The following GABRG3 variants were observed in gnomAD, a reference collection of about 807,000 sequenced individuals.
GABRG3 encodes the protein gamma-aminobutyric acid type A receptor subunit gamma3.
Under a neutral mutation model 48.8 loss-of-function variants are expected in GABRG3, and 25 were observed. The ratio of observed to expected loss-of-function variants is 0.51; its 90% CI spans 0.37 to 0.72. The LOEUF is 0.72. GABRG3 is among the 30% of genes least tolerant of loss of function. GABRG3 has a pLI of 0.00. For synonymous variants in GABRG3, 227 were observed against 217.6 expected, an observed-to-expected ratio of 1.04 and a Z score of -0.38; for missense variants, 394 against 577.9, an observed-to-expected ratio of 0.68 and a Z score of 3.26.
intron 5 of GABRG3, among the ~76,000 whole-genome samples, chr15:27,343,633 CAT>C (rs1173774672): frequency 2.0e-5 from 3 of 152,180 alleles, no homozygotes; most frequent in Non-Finnish European, 4.4e-5. Context: ...TGATGCAACT[CAT>C]GTAATGCTTC....
At chr15:27,079,097 C>T (rs751936924) in intron 3 of GABRG3, among the ~76,000 whole-genome samples, 2 of 152,068 alleles carry the variant, frequency 1.3e-5, no homozygotes, top group African/African-American at 4.8e-5. Context: ...AACCGTTTCC[C>T]CCAGACCCTG....
At chr15:27,001,038 G>A (rs1168580362) in intron 2 of GABRG3, among the ~76,000 whole-genome samples, 2 of 152,156 alleles carry the variant, frequency 1.3e-5, no homozygotes, top group Non-Finnish European at 2.9e-5. Flanking sequence ...GGTTACCCAA[G>A]CGAGGACCTT....
chr15:26,987,343 C>T (rs1895171250), intron 2 of GABRG3, among the ~76,000 whole-genome samples: 1 of 152,188 alleles, frequency 6.6e-6, no homozygotes, highest in Admixed American at 6.5e-5. Flanking sequence ...ACTTTACTGT[C>T]GTAAATGCTT....
intron 6 of GABRG3, among the ~76,000 whole-genome samples, chr15:27,493,000 A>G (rs1890391631): frequency 6.6e-6 from 1 of 152,254 alleles, no homozygotes. Context: ...AGATGCACCA[A>G]GATAAAAAAT....
intron 3 of GABRG3, among the ~76,000 whole-genome samples, chr15:27,101,684 G>A (rs927204191): frequency 6.6e-6 from 1 of 152,010 alleles, no homozygotes; most frequent in Non-Finnish European, 1.5e-5. Context: ...GGAGGAAGAA[G>A]GCACTGGAAC....
chr15:27,202,817 T>C (rs541798788), intron 3 of GABRG3, among the ~76,000 whole-genome samples: 7 of 152,274 alleles, frequency 4.6e-5, no homozygotes, highest in African/African-American at 1.4e-4. Context: ...TTATCTGTTA[T>C]GTATTTTTGT....
intron 3 of GABRG3, among the ~76,000 whole-genome samples, chr15:27,043,549 G>A (rs966147135): frequency 6.6e-6 from 1 of 152,182 alleles, no homozygotes; most frequent in African/African-American, 2.4e-5. Flanking sequence ...TGAGATGGCT[G>A]ATCTGCTGTT....
intron 3 of GABRG3, among the ~76,000 whole-genome samples, chr15:27,159,493 A>AC (rs1810493508): frequency 6.6e-6 from 1 of 151,768 alleles, no homozygotes; most frequent in African/African-American, 2.4e-5. Flanking sequence ...AAAAAAAAAA[A>AC]GTGCAGCTCC....
chr15:27,116,443 G>C (rs966308691), intron 3 of GABRG3, among the ~76,000 whole-genome samples: 1 of 151,980 alleles, frequency 6.6e-6, no homozygotes, highest in African/African-American at 2.4e-5. Context: ...AAAAACACTA[G>C]AAACATCCAC....
At chr15:27,181,122 ATGCAGGCACCTG>A (rs1174148829) in intron 3 of GABRG3, among the ~76,000 whole-genome samples, 3 of 152,194 alleles carry the variant, frequency 2.0e-5, no homozygotes, top group African/African-American at 7.2e-5. Context: ...GAGGCATTGA[ATGCAGGCACCTG>A]TGGGGAGGAG....
At position 26,976,921 on chromosome 15, in the gene GABRG3, G is replaced by A. The variant is rs1894960107; in HGVS notation, c.54-81G>A. 6.9e-6 allele frequency: 10 copies of A among 1,454,014 alleles called. No homozygotes were observed. In the South Asian group the frequency reaches 1.2e-4, roughly 17 times the overall value. 90.1% of individuals were successfully genotyped at this position (1,454,014 alleles called of 1,614,324 possible). On this transcript the variant is annotated intron_variant, in intron 1 of 9. Coordinates refer to ENST00000615808, the MANE Select transcript of GABRG3 (RefSeq NM_033223.5). The surrounding 1 kb of genome is among the most constrained non-coding windows in gnomAD (Gnocchi z 7.8). Reference sequence around the variant, plus strand: ...CTGGGGACTTTCTACCCATTTCATGGTACTTGGATAGGACAAACTTAGGCT... The same window carrying A: ...CTGGGGACTTTCTACCCATTTCATGATACTTGGATAGGACAAACTTAGGCT...
intron 5 of GABRG3, among the ~76,000 whole-genome samples, chr15:27,440,625 C>T (rs1485394871): frequency 1.3e-5 from 2 of 152,206 alleles, no homozygotes; most frequent in African/African-American, 4.8e-5. Context: ...GCACGATCAA[C>T]CATACTAAAT....
intron 2 of GABRG3, among the ~76,000 whole-genome samples, chr15:26,989,048 C>T (rs1454815549): frequency 6.6e-6 from 1 of 152,152 alleles, no homozygotes; most frequent in Non-Finnish European, 1.5e-5. Flanking sequence ...GAAAGCTACT[C>T]ACTCAGGGGT....
chr15:27,154,998 A>G (rs1021927441), intron 3 of GABRG3, among the ~76,000 whole-genome samples: 22 of 151,278 alleles, frequency 1.5e-4, no homozygotes, highest in African/African-American at 5.4e-4. Flanking sequence ...CTGTCTTTCC[A>G]TTCTTCCTGG....
chr15:27,204,779 A>G (rs771992866), intron 3 of GABRG3, among the ~76,000 whole-genome samples: 9 of 151,824 alleles, frequency 5.9e-5, no homozygotes, highest in Non-Finnish European at 1.2e-4. Flanking sequence ...GTATTTCTAC[A>G]TATGTCATTC....
chr15:27,531,565 G>A (rs770615319), intron 9 of GABRG3, among the ~76,000 whole-genome samples: 1 of 152,140 alleles, frequency 6.6e-6, no homozygotes, highest in African/African-American at 2.4e-5. Context: ...CTCCTCCTTG[G>A]TGTCACCCTC....
intron 2 of GABRG3, among the ~76,000 whole-genome samples, chr15:26,978,360 T>C (rs1421068983): frequency 6.6e-6 from 1 of 152,248 alleles, no homozygotes; most frequent in African/African-American, 2.4e-5. Flanking sequence ...TTTTTTTTTA[T>C]GGAGCATGCT....
chr15:27,178,751 C>G (rs772256442), intron 3 of GABRG3, among the ~76,000 whole-genome samples: 1 of 152,138 alleles, frequency 6.6e-6, no homozygotes, highest in Non-Finnish European at 1.5e-5. Context: ...CAAGGCATAT[C>G]GGTCTAGATT....
chr15:27,221,889 A>G (rs1889465271), intron 3 of GABRG3, among the ~76,000 whole-genome samples: 1 of 152,212 alleles, frequency 6.6e-6, no homozygotes, highest in African/African-American at 2.4e-5. Flanking sequence ...TGGTAAAGCC[A>G]TGCACTAGGA....
Sources: gnomAD v4.1 joint callset for allele counts (sites outside exome capture counted in the v4.1 genomes callset) on GRCh38, gnomAD v4.1.1 for gene constraint, Gnocchi (gnomAD v3.1) non-coding constraint, MANE v1.5 for transcripts, NCBI Gene and HGNC (gene_info 2026-07-23, HGNC 2026-07-21) for gene names.